SYNJ2: variants seen among roughly 807,000 people sequenced by gnomAD.
SYNJ2 encodes synaptojanin 2, also known as polyphosphatidylinositol phosphatase SYNJ2.
Under a neutral mutation model 141.3 loss-of-function variants are expected in SYNJ2, and 116 were observed. The ratio of observed to expected loss-of-function variants is 0.82; its 90% CI spans 0.71 to 0.96. The LOEUF (loss-of-function observed/expected upper bound fraction) is 0.96. Ranked by LOEUF, SYNJ2 falls within the 40% of genes least tolerant of loss-of-function variation. The pLI is 0.00. For synonymous variants in SYNJ2, 745 were observed against 777.7 expected, an observed-to-expected ratio of 0.96 and a Z score of 0.70; for missense variants, 1,873 against 1,934.8, an observed-to-expected ratio of 0.97 and a Z score of 0.60.
In SYNJ2 at chr6:158,070,150, G is replaced by A. The variant is rs1312723541; in HGVS notation, c.1940+477G>A. On this transcript the variant is annotated intron_variant, in intron 14 of 26. Coordinates refer to ENST00000355585, the MANE Select transcript of SYNJ2 (RefSeq NM_003898.4). The surrounding 1 kb of genome is among the most constrained non-coding windows in gnomAD (Gnocchi z 4.0). The stretch of plus-strand genomic sequence containing the variant: ...AGCATCAGAAAGGGGGCGAGCTTAG[G>A]GGCGGCATTCCTCTTGGGGTGTGGG... 1 of 985,732 alleles carries A rather than the reference G, an allele frequency of 1.0e-6. No homozygotes were observed. Among genetic ancestry groups the A allele is most frequent in the Admixed American group, 6.1e-5 (1 of 16,278 alleles). The allele number at this position is 985,732 out of a possible 1,614,324, so 61.1% of individuals were successfully genotyped here. A position where few individuals can be genotyped will look rare whatever the true frequency, so the allele number is the denominator to read the frequency against.
At chr6:158,060,932 C>T (rs1583433051) in intron 7 of SYNJ2, among the ~76,000 whole-genome samples, 1 of 152,232 alleles carries the variant, frequency 6.6e-6, no homozygotes, top group East Asian at 1.9e-4. Flanking sequence ...TCAGCCACCT[C>T]AGCTTGGCCC....
intron 5 of SYNJ2, among the ~76,000 whole-genome samples, chr6:158,046,896 C>G (rs1006406906): frequency 5.3e-5 from 8 of 150,812 alleles, no homozygotes; most frequent in African/African-American, 2.5e-5. Context: ...AAGCTTCCCC[C>G]CACCATATGC....
chr6:158,021,300 C>T (rs143530514), intron 2 of SYNJ2, among the ~76,000 whole-genome samples: 1 of 152,320 alleles, frequency 6.6e-6, no homozygotes, highest in African/African-American at 2.4e-5. Flanking sequence ...GTTCCCACTT[C>T]ACAGCTGAAC....
chr6:158,010,483 A>G (rs1259279399), intron 1 of SYNJ2, among the ~76,000 whole-genome samples: 1 of 151,970 alleles, frequency 6.6e-6, no homozygotes, highest in Non-Finnish European at 1.5e-5. Flanking sequence ...TCGGGGGAGG[A>G]CTTGGAGGTG....
intron 21 of SYNJ2, 132 bp downstream of exon 21, chr6:158,083,729 G>C (rs1782851519): frequency 8.2e-7 from 1 of 1,217,530 alleles, no homozygotes; most frequent in Admixed American, 2.0e-5. Flanking sequence ...TCTGTCCCAT[G>C]TGATGAGCAT....
chr6:158,023,491 T>C (rs1778885676), intron 2 of SYNJ2, among the ~76,000 whole-genome samples: 1 of 152,010 alleles, frequency 6.6e-6, no homozygotes, highest in Admixed American at 6.6e-5. Context: ...GAGGCCTCTG[T>C]GGTTACACCC....
chr6:158,053,602 C>T (rs1444632597), intron 5 of SYNJ2, among the ~76,000 whole-genome samples: 1 of 151,882 alleles, frequency 6.6e-6, no homozygotes, highest in Non-Finnish European at 1.5e-5. Context: ...TGCTTATCCA[C>T]TCATCGTCCA....
Position 158,078,237 on chromosome 6 carries a change from C to T in SYNJ2, c.2523C>T (p.Ala841=), listed in dbSNP as rs752523542. The T allele has an allele frequency of 1.2e-6, 2 of 1,613,920 alleles. No individual in the cohort carries two copies. Among genetic ancestry groups the T allele is most frequent in the South Asian group, 2.2e-5 (2 of 91,064 alleles). The change falls in exon 18 of 27, where the codon GCC becomes GCT. Residue 841 remains alanine, a synonymous_variant. Coordinates refer to ENST00000355585, the MANE Select transcript of SYNJ2 (RefSeq NM_003898.4). The stretch of plus-strand genomic sequence containing the variant: ...TCAGACACACCTGGTCTCCTGGTGC[C>T]CTGCAGTATTATGGTCGTGCGGAGC... ...TKVRHTWSPG[A]LQYYGRAELQ...
At chr6:158,078,131 T>C (rs1043145746) in intron 17 of SYNJ2, 33 bp from the exon 18 acceptor site, 1 of 1,388,828 alleles carries the variant, frequency 7.2e-7, no homozygotes, top group Non-Finnish European at 1.0e-6. Flanking sequence ...CTCGATTCTA[T>C]ATGGGTCTCT....
chr6:158,041,635 T>A (rs975807372), intron 4 of SYNJ2, among the ~76,000 whole-genome samples: 3 of 152,196 alleles, frequency 2.0e-5, no homozygotes, highest in African/African-American at 7.2e-5. Context: ...ATGCTGGAAG[T>A]GGCATTGTTA....
rs1781837949 is a variant in SYNJ2 at position 158,070,289 on chromosome 6, T to C, written c.1940+616T>C. The C allele has an allele frequency of 3.0e-6, 3 of 985,476 alleles. No individual in the cohort carries two copies. The highest frequency in any genetic ancestry group is 9.4e-5 in the South Asian group (2 of 21,276). The allele number at this position is 985,476 out of a possible 1,614,324, so 61.0% of individuals were successfully genotyped here. A position where few individuals can be genotyped will look rare whatever the true frequency, so the allele number is the denominator to read the frequency against. ...AATTTCCACCAGCCTTTCGGCGAGC[T>C]GGCAGCAGGCGTTGAACTGACCTCC... On this transcript the variant is annotated intron_variant, in intron 14 of 26. Coordinates refer to ENST00000355585, the MANE Select transcript of SYNJ2 (RefSeq NM_003898.4). This position sits in a 1 kb window ranked among gnomAD's most constrained non-coding sequence, Gnocchi z 4.0.
rs370403708 is a variant in SYNJ2 at position 158,095,851 on chromosome 6, G to A, written c.3978G>A (p.Pro1326=). ...GASVPPPLEA[P]PLVPKVPPRR... The stretch of plus-strand genomic sequence containing the variant: ...CTGTGCCACCACCTCTGGAGGCGCC[G>A]CCTCTTGTGCCCAAGGTACCCCCGA... The change falls in exon 27 of 27, where the codon CCG becomes CCA. Residue 1326 remains proline (P), a synonymous_variant. Coordinates refer to ENST00000355585, the MANE Select transcript of SYNJ2 (RefSeq NM_003898.4). 63 of 1,613,928 alleles carry A rather than the reference G, an allele frequency of 3.9e-5. No individual in the cohort carries two copies. The highest frequency in any genetic ancestry group is 1.8e-4 in the East Asian group (8 of 44,896).
chr6:158,045,605 T>G (rs1257658894), intron 5 of SYNJ2, among the ~76,000 whole-genome samples: 1 of 141,308 alleles, frequency 7.1e-6, no homozygotes, highest in African/African-American at 2.6e-5. Flanking sequence ...GGAGGGAGTC[T>G]TCTGGTTCCC....
At chr6:157,983,855 GCTT>G (rs2128312243) in intron 1 of SYNJ2, among the ~76,000 whole-genome samples, 2 of 151,758 alleles carry the variant, frequency 1.3e-5, no homozygotes, top group Admixed American at 1.3e-4. Context: ...TGAAACAGAG[GCTT>G]CTTCTGTTGC....
At chr6:157,989,461 T>TATAC (rs1418390095) in intron 1 of SYNJ2, among the ~76,000 whole-genome samples, 14 of 127,144 alleles carry the variant, frequency 1.1e-4, no homozygotes, top group Non-Finnish European at 2.0e-4. Context: ...TATATATATA[T>TATAC]ATATATGGAA....
chr6:158,053,600 C>T (rs1299737221), intron 5 of SYNJ2, among the ~76,000 whole-genome samples: 1 of 151,834 alleles, frequency 6.6e-6, no homozygotes, highest in Non-Finnish European at 1.5e-5. Flanking sequence ...CCTGCTTATC[C>T]ACTCATCGTC....
At chr6:158,067,806 C>T (rs1316156446) in intron 12 of SYNJ2, 7 of 985,140 alleles carry the variant, frequency 7.1e-6, no homozygotes, top group Admixed American at 6.2e-5. Flanking sequence ...CTCTCTGTGT[C>T]GGTGGTAGCC....
intron 4 of SYNJ2, among the ~76,000 whole-genome samples, chr6:158,033,946 G>A (rs184319322): frequency 1.1e-3 from 165 of 152,342 alleles, no homozygotes; most frequent in African/African-American, 3.9e-3. Flanking sequence ...AACGGAATCA[G>A]GAATTTTTGC....
Position 158,028,771 on chromosome 6 carries a change from G to A in SYNJ2, c.230G>A (p.Ser77Asn), listed in dbSNP as rs1779197822. The change falls in exon 3 of 27, where the codon AGC becomes AAC. Residue 77 changes from serine to asparagine, a missense_variant. By Grantham distance (46) the Ser-to-Asn change is conservative (BLOSUM62 1). Transcript: ENST00000355585. ...TCCTTTCCAGGTGGCACGTCTCTGAGCTTCCTGGTGTTGGTGACAGGCTGC... is the reference window on the plus strand; with the variant it reads ...TCCTTTCCAGGTGGCACGTCTCTGAACTTCCTGGTGTTGGTGACAGGCTGC... ...LRLKSGGTSL[S>N]FLVLVTGCTS... 6.2e-7 allele frequency: 1 copy of A among 1,614,116 alleles called. No homozygotes were observed. The highest frequency in any genetic ancestry group is 8.5e-7 in the Non-Finnish European group (1 of 1,179,976).
Sources: allele counts gnomAD v4.1 joint callset (sites outside exome capture counted in the v4.1 genomes callset), GRCh38; gene constraint gnomAD v4.1.1; non-coding constraint Gnocchi (gnomAD v3.1); transcripts MANE v1.5; gene names NCBI Gene and HGNC (gene_info 2026-07-23, HGNC 2026-07-21).